Variants in FBP1 observed in about 807,000 individuals in gnomAD.
FBP1 encodes the protein fructose-bisphosphatase 1, also known as fructose-1,6-bisphosphatase 1.
FBP1 carries 22 observed loss-of-function variants against 29.9 expected under a neutral mutation model. The observed-to-expected ratio is 0.74, with a 90% CI of 0.53 to 1.05. The LOEUF (loss-of-function observed/expected upper bound fraction) is 1.05. Ranked by LOEUF, FBP1 falls within the 50% of genes least tolerant of loss-of-function variation. The probability of loss-of-function intolerance (pLI) is 0.00; values close to 1 mark genes in which losing one functional copy is unlikely to be tolerated. For synonymous variants in FBP1, 175 were observed against 178.6 expected, an observed-to-expected ratio of 0.98 and a Z score of 0.16; for missense variants, 345 against 448.2, an observed-to-expected ratio of 0.77 and a Z score of 2.08.
chr9:94,639,471 C>T lies in FBP1; in HGVS notation c.-161G>A, dbSNP rs1828252611. ...GGACCTGGCGGGAGGACTGACAGAC[C>T]GACTGCCGCCCCGAGTGTCCGCAGC... On this transcript the variant is annotated 5_prime_UTR_variant, in exon 1 of 7. Transcript: ENST00000375326. 2.6e-6 allele frequency: 2 copies of T among 780,138 alleles called. No homozygotes were observed. Among genetic ancestry groups the T allele is most frequent in the Admixed American group, 2.1e-5 (1 of 47,672 alleles). 48.3% of individuals were successfully genotyped at this position (780,138 alleles called of 1,614,324 possible). A position where few individuals can be genotyped will look rare whatever the true frequency, so the allele number is the denominator to read the frequency against.
chr9:94,632,351 T>C (rs1392893327), intron 1 of FBP1, among the ~76,000 whole-genome samples: 3 of 152,070 alleles, frequency 2.0e-5, no homozygotes, highest in African/African-American at 4.8e-5. Flanking sequence ...GAACAAAACA[T>C]GCAAATAAAA....
intron 1 of FBP1, among the ~76,000 whole-genome samples, chr9:94,637,289 T>A (rs149482148): frequency 1.4e-4 from 22 of 152,098 alleles, no homozygotes; most frequent in African/African-American, 5.3e-4. Context: ...AGAAAAGGAA[T>A]CTAGATTGCA....
chr9:94,603,470 C>G lies in FBP1; in HGVS notation c.928G>C (p.Asp310His), dbSNP rs2131469619. ...KEAVLDVIPTDIHQRAPVILG... is the reference protein window; with the variant it reads ...KEAVLDVIPTHIHQRAPVILG... ...ATCACCGGCGCCCTCTGGTGAATGTCTGTGGGAATGACGTCTAACACGGCC... is the reference window on the plus strand; with the variant it reads ...ATCACCGGCGCCCTCTGGTGAATGTGTGTGGGAATGACGTCTAACACGGCC... The change falls in exon 7 of 7, where the codon GAC (aspartate) becomes CAC (histidine). Residue 310 changes from aspartate to histidine, a missense_variant. Asp to His is a moderately conservative substitution (Grantham distance 81). Coordinates refer to ENST00000375326, the MANE Select transcript of FBP1 (RefSeq NM_000507.4). The G allele has an allele frequency of 6.2e-7, 1 of 1,614,092 alleles. No homozygotes were observed. Among genetic ancestry groups the G allele is most frequent in the Admixed American group, 1.7e-5 (1 of 60,022 alleles).
At position 94,609,823 on chromosome 9, in the gene FBP1, A is replaced by C. The variant is rs1175153130; in HGVS notation, c.567+98T>G. The C allele has an allele frequency of 2.2e-6, 3 of 1,348,116 alleles. No individual in the cohort carries two copies. The East Asian group carries it at 6.9e-5, about 31-fold the overall frequency. 83.5% of individuals were successfully genotyped at this position (1,348,116 alleles called of 1,614,324 possible). ...TCATCTCTGTCCCTCCATGGGCATC[A>C]CCTCCCACCTCCACATACCCCTGCC... On this transcript the variant is annotated intron_variant, in intron 4 of 6. Transcript: ENST00000375326.
intron 3 of FBP1, among the ~76,000 whole-genome samples, chr9:94,613,723 G>A (rs1051645837): frequency 1.3e-5 from 2 of 151,010 alleles, no homozygotes; most frequent in African/African-American, 2.4e-5. Flanking sequence ...CCATGATGGC[G>A]CCACTGCTCT....
intron 1 of FBP1, among the ~76,000 whole-genome samples, chr9:94,631,904 A>G (rs1828109098): frequency 6.6e-6 from 1 of 152,112 alleles, no homozygotes; most frequent in Admixed American, 6.5e-5. Flanking sequence ...CAAAGGTCAC[A>G]AATACCTGCC....
At position 94,639,192 on chromosome 9, in the gene FBP1, G is replaced by A. The variant is rs1485335823; in HGVS notation, c.119C>T (p.Thr40Ile). 2 of 1,605,304 alleles carry A rather than the reference G, an allele frequency of 1.2e-6. No homozygotes were observed. The highest frequency in any genetic ancestry group is 1.7e-5 in the Admixed American group (1 of 58,766). Residue 40 changes from threonine (T) to isoleucine (I), a missense_variant, in exon 1 of 7, where the codon ACA becomes ATA. Physicochemically the swap from Thr to Ile is moderately conservative, Grantham distance 89. Coordinates refer to ENST00000375326, the MANE Select transcript of FBP1 (RefSeq NM_000507.4). Reference protein sequence around the residue: ...ELTQLLNSLCTAVKAISSAVR... With the variant: ...ELTQLLNSLCIAVKAISSAVR... ...CGCCGAAGAGATGGCTTTGACTGCT[G>A]TGCAGAGCGAGTTGAGCAGCTGGGT...
At chr9:94,633,879 G>T (rs1227628418) in intron 1 of FBP1, among the ~76,000 whole-genome samples, 9 of 150,896 alleles carry the variant, frequency 6.0e-5, no homozygotes, top group Admixed American at 5.9e-4. Flanking sequence ...TAATTTTTTT[G>T]TATTTTTTGG....
intron 1 of FBP1, among the ~76,000 whole-genome samples, chr9:94,633,125 T>C (rs372810854): frequency 3.9e-5 from 6 of 152,168 alleles, no homozygotes; most frequent in African/African-American, 1.2e-4. Context: ...TTTGTGTTGT[T>C]TTGTTTTGTG....
chr9:94,604,827 T>C (rs28369764), intron 6 of FBP1, among the ~76,000 whole-genome samples: 37 of 152,154 alleles, frequency 2.4e-4, no homozygotes, highest in African/African-American at 8.9e-4. Flanking sequence ...GACACAATAC[T>C]TGGGAAGGAA....
Position 94,619,119 on chromosome 9 carries a change from C to T in FBP1, c.333+1210G>A, listed in dbSNP as rs141477516. On this transcript the variant is annotated intron_variant, in intron 2 of 6. Transcript: ENST00000375326. ...AGGCCCATGATAGACAAGAGAAGTC[C>T]GGCGTGAGTGATGGAGAATATTAAA... Among the ~76,000 whole-genome samples, 40 of 152,194 alleles carry T rather than the reference C, an allele frequency of 2.6e-4. 1 individual carries two copies. The East Asian group carries it at 7.5e-3, about 29-fold the overall frequency.
At chr9:94,617,005 G>A (rs1036647595) in intron 3 of FBP1, among the ~76,000 whole-genome samples, 6 of 152,052 alleles carry the variant, frequency 3.9e-5, no homozygotes, top group Non-Finnish European at 5.9e-5. Flanking sequence ...GGTGTTAGGA[G>A]ACCCGAGCAG....
chr9:94,607,285 T>C (rs1423651022), intron 4 of FBP1, among the ~76,000 whole-genome samples: 1 of 152,076 alleles, frequency 6.6e-6, no homozygotes, highest in East Asian at 1.9e-4. Flanking sequence ...GTAAGAACCG[T>C]GTGTCCAAAG....
intron 3 of FBP1, among the ~76,000 whole-genome samples, chr9:94,610,576 G>A (rs1020709576): frequency 6.6e-6 from 1 of 152,200 alleles, no homozygotes; most frequent in African/African-American, 2.4e-5. Flanking sequence ...TAGGAACTCA[G>A]AATATCTCCC....
At position 94,603,381 on chromosome 9, in the gene FBP1, T is replaced by C; in HGVS notation, c.1017A>G (p.Ter339TrpextTer36). The part of the protein sequence containing the change: ...LKVYEKHSAQ[*>W] ...CTCCGGATGCAGGCAGGGCAGGTGC[T>C]CACTGGGCAGAGTGCTTCTCATACA... Residue 339 changes from the stop codon to tryptophan, a stop_lost, in exon 7 of 7, where the codon TGA becomes TGG. Coordinates refer to ENST00000375326, the MANE Select transcript of FBP1 (RefSeq NM_000507.4). The C allele has an allele frequency of 6.2e-7, 1 of 1,613,084 alleles. No individual in the cohort carries two copies. The highest frequency in any genetic ancestry group is 8.5e-7 in the Non-Finnish European group (1 of 1,179,562).
chr9:94,606,910 T>A lies in FBP1; in HGVS notation c.610A>T (p.Lys204Ter). Residue 204 changes from lysine to a stop codon, truncating the protein, a stop_gained, in exon 5 of 7, where the codon AAA becomes TAA. Transcript: ENST00000375326. LOFTEE classifies it high-confidence loss of function. ...AGGCTGTAGATTTTACCTTTCTTTT[T>A]TATCTTCACATCCTTGTCCACCAAA... Reference protein sequence around the residue: ...FILVDKDVKIKKKGKIYSLNE... With the variant: ...FILVDKDVKI The A allele has an allele frequency of 1.2e-6, 2 of 1,614,112 alleles. No individual in the cohort carries two copies. Among genetic ancestry groups the A allele is most frequent in the Non-Finnish European group, 1.7e-6 (2 of 1,179,980 alleles).
chr9:94,622,206 A>C (rs763697867), intron 1 of FBP1, among the ~76,000 whole-genome samples: 9 of 152,224 alleles, frequency 5.9e-5, no homozygotes, highest in Non-Finnish European at 1.2e-4. Context: ...TCTTAGACTT[A>C]CAGAAGCGGC....
At chr9:94,625,434 G>A (rs545173027) in intron 1 of FBP1, among the ~76,000 whole-genome samples, 9 of 152,176 alleles carry the variant, frequency 5.9e-5, no homozygotes, top group African/African-American at 2.2e-4. Context: ...AAGCCATGCG[G>A]GGCTCTCACC....
chr9:94,626,277 T>A (rs1342036766), intron 1 of FBP1, among the ~76,000 whole-genome samples: 1 of 152,192 alleles, frequency 6.6e-6, no homozygotes, highest in Admixed American at 6.5e-5. Flanking sequence ...TCCTGGTTAA[T>A]CCTGGCGTTA....
Sources: allele counts gnomAD v4.1 joint callset (sites outside exome capture counted in the v4.1 genomes callset), GRCh38; gene constraint gnomAD v4.1.1; transcripts MANE v1.5; gene names NCBI Gene and HGNC (gene_info 2026-07-23, HGNC 2026-07-21).